DDX50: variants seen among roughly 807,000 people sequenced by gnomAD.
DDX50 encodes the protein ATP-dependent RNA helicase DDX50.
DDX50 carries 56 observed loss-of-function variants against 94.8 expected under a neutral mutation model. The observed-to-expected ratio is 0.59, with a 90% CI of 0.48 to 0.74. DDX50 has a LOEUF of 0.74. DDX50 is among the 30% of genes least tolerant of loss of function. DDX50 has a pLI of 0.00. For missense variants in DDX50, 713 were observed against 881.2 expected (o/e 0.81, Z 2.42); for synonymous variants, 264 against 295.4 (o/e 0.89, Z 1.09).
At chr10:68,907,058 G>T (rs763541767) in intron 2 of DDX50, 51 bp downstream of exon 2, 1 of 1,523,596 alleles carries the variant, frequency 6.6e-7, no homozygotes, top group Admixed American at 2.3e-5. Flanking sequence ...ACTATAGGTT[G>T]ATTTGAATTT....
At chr10:68,920,185 A>G (rs1341590989) in intron 8 of DDX50, among the ~76,000 whole-genome samples, 2 of 152,212 alleles carry the variant, frequency 1.3e-5, no homozygotes, top group Admixed American at 6.5e-5. Flanking sequence ...GTCTTGAGAC[A>G]GGGTCTCCCT....
intron 11 of DDX50, among the ~76,000 whole-genome samples, chr10:68,936,515 A>AATATATATATAT (rs869117307): frequency 1.9e-5 from 1 of 53,144 alleles, no homozygotes; most frequent in East Asian, 5.3e-4. Context: ...AAAAAAAAAA[A>AATATATATATAT]ATATATATAT....
At chr10:68,937,127 G>T in intron 12 of DDX50, 32 bp downstream of exon 12, 1 of 1,557,330 alleles carries the variant, frequency 6.4e-7, no homozygotes, top group Non-Finnish European at 8.7e-7. Flanking sequence ...GTACATGAGT[G>T]GGAAAAGGTT....
intron 11 of DDX50, 76 bp downstream of exon 11, chr10:68,936,155 T>C: frequency 1.6e-6 from 2 of 1,230,330 alleles, no homozygotes; most frequent in South Asian, 1.4e-5. Flanking sequence ...CCAGTTCAAA[T>C]AGCAGAAAAT....
At chr10:68,902,348 C>T (rs981878865) in intron 1 of DDX50, among the ~76,000 whole-genome samples, 4 of 152,148 alleles carry the variant, frequency 2.6e-5, no homozygotes, top group Non-Finnish European at 5.9e-5. Context: ...TATTCGAAGG[C>T]TGACATTCGA....
intron 8 of DDX50, among the ~76,000 whole-genome samples, chr10:68,926,930 TGAGA>T (rs1842108445): frequency 6.6e-6 from 1 of 152,092 alleles, no homozygotes; most frequent in Non-Finnish European, 1.5e-5. Flanking sequence ...TCTTTTTTTT[TGAGA>T]GAGGGTCTTA....
rs1842188973 is a variant in DDX50 at position 68,929,390 on chromosome 10, CCTTT to C, written c.1240-4803_1240-4800del. Among the ~76,000 whole-genome samples, 3 of 148,830 alleles carry C rather than the reference CCTTT, an allele frequency of 2.0e-5. No homozygotes were observed. In the East Asian group the frequency reaches 6.0e-4, roughly 30 times the overall value. ...TTCCTTTCCTTTCTTTCCTTCCTTTCCTTTCTTTCCTTTCTTCCTTCCTTTCTTT... is the reference window on the plus strand; with the variant it reads ...TTCCTTTCCTTTCTTTCCTTCCTTTCCTTTCCTTTCTTCCTTCCTTTCTTT... On this transcript the variant is annotated intron_variant, in intron 8 of 14. Coordinates refer to ENST00000373585, the MANE Select transcript of DDX50 (RefSeq NM_024045.2).
chr10:68,935,770 G>T (rs1842391006), intron 10 of DDX50, among the ~76,000 whole-genome samples: 1 of 152,120 alleles, frequency 6.6e-6, no homozygotes, highest in Admixed American at 6.6e-5. Context: ...AGGAGGTGGA[G>T]GTTGCAGTGA....
chr10:68,946,709 A>G lies in DDX50; in HGVS notation c.*79A>G. 6.6e-7 allele frequency: 1 copy of G among 1,521,514 alleles called. No individual in the cohort carries two copies. The highest frequency in any genetic ancestry group is 8.8e-7 in the Non-Finnish European group (1 of 1,130,874). 94.3% of individuals were successfully genotyped at this position (1,521,514 alleles called of 1,614,324 possible). A position where few individuals can be genotyped will look rare whatever the true frequency, so the allele number is the denominator to read the frequency against. Reference sequence around the variant, plus strand: ...TACATTATCCACCAAAAATTAGGTCATCATAGTTGAGGTATGTGTCTGCTA... The same window carrying G: ...TACATTATCCACCAAAAATTAGGTCGTCATAGTTGAGGTATGTGTCTGCTA... On this transcript the variant is annotated 3_prime_UTR_variant, in exon 15 of 15. Transcript: ENST00000373585.
At chr10:68,933,469 A>G (rs1842325058) in intron 8 of DDX50, among the ~76,000 whole-genome samples, 2 of 152,166 alleles carry the variant, frequency 1.3e-5, no homozygotes, top group African/African-American at 4.8e-5. Flanking sequence ...ATATGAATAA[A>G]TTATATACAG....
intron 2 of DDX50, among the ~76,000 whole-genome samples, chr10:68,907,569 G>A (rs565406100): frequency 5.9e-4 from 89 of 151,784 alleles, no homozygotes; most frequent in African/African-American, 2.0e-3. Context: ...CACCTGTCTC[G>A]GCTTCCCAAA....
At chr10:68,940,448 C>T (rs1360636443) in intron 12 of DDX50, among the ~76,000 whole-genome samples, 1 of 150,142 alleles carries the variant, frequency 6.7e-6, no homozygotes, top group Non-Finnish European at 1.5e-5. Flanking sequence ...GAGACAGGGT[C>T]TAGTTCTGTC....
intron 2 of DDX50, 105 bp downstream of exon 2, chr10:68,907,112 T>A (rs1841476792): frequency 1.7e-6 from 2 of 1,144,348 alleles, no homozygotes; most frequent in Admixed American, 2.6e-5. Context: ...TCTTGATTAG[T>A]GTCTAGTATT....
rs751156147 is a variant in DDX50 at position 68,943,309 on chromosome 10, A to C, written c.1935+52A>C. On this transcript the variant is annotated intron_variant, in intron 14 of 14. Transcript: ENST00000373585. ...TGGTTGAGTACATTCTCTAACATTT[A>C]GATTGGGATATTTTGGGAAACATAG... 3.4e-6 allele frequency: 5 copies of C among 1,455,744 alleles called. No homozygotes were observed. The East Asian group carries it at 1.1e-4, about 33-fold the overall frequency. 90.2% of individuals were successfully genotyped at this position (1,455,744 alleles called of 1,614,324 possible).
Position 68,901,326 on chromosome 10 carries a change from G to GTCGGCTGCC in DDX50, c.-56_-55insGCTGCCTCG. The GTCGGCTGCC allele has an allele frequency of 6.8e-7, 1 of 1,460,382 alleles. No individual in the cohort carries two copies. Among genetic ancestry groups the GTCGGCTGCC allele is most frequent in the South Asian group, 1.3e-5 (1 of 75,086 alleles). 90.5% of individuals were successfully genotyped at this position (1,460,382 alleles called of 1,614,324 possible). A position where few individuals can be genotyped will look rare whatever the true frequency, so the allele number is the denominator to read the frequency against. On this transcript the variant is annotated 5_prime_UTR_variant, in exon 1 of 15. Coordinates refer to ENST00000373585, the MANE Select transcript of DDX50 (RefSeq NM_024045.2). ...CCTTGCCCCCGCTTCCTTTCACGCTGTCGCTGCCCGTAGGTGGTTGTGGCC... is the reference window on the plus strand; with the variant it reads ...CCTTGCCCCCGCTTCCTTTCACGCTGTCGGCTGCCTCGCTGCCCGTAGGTGGTTGTGGCC...
At chr10:68,902,047 G>T (rs970472263) in intron 1 of DDX50, among the ~76,000 whole-genome samples, 1 of 151,978 alleles carries the variant, frequency 6.6e-6, no homozygotes, top group Non-Finnish European at 1.5e-5. Context: ...CATTCAATCC[G>T]CAGGTGTTTA....
At chr10:68,937,397 TTA>T (rs1491221112) in intron 12 of DDX50, among the ~76,000 whole-genome samples, 1 of 58,738 alleles carries the variant, frequency 1.7e-5, no homozygotes, top group African/African-American at 3.5e-5. Context: ...TAATTTGTAA[TTA>T]AAAAAAAAAT....
Position 68,911,058 on chromosome 10 carries a change from C to T in DDX50, c.461-10C>T, listed in dbSNP as rs201387609. On this transcript the variant is annotated splice_polypyrimidine_tract_variant and intron_variant, in intron 3 of 14. Coordinates refer to ENST00000373585, the MANE Select transcript of DDX50 (RefSeq NM_024045.2). ...GTAAAGAAGTATTTTAATTAAATCT[C>T]ATTTTACAGGTCGAGGGGTAACATA... 2.7e-6 allele frequency: 4 copies of T among 1,472,706 alleles called. No individual in the cohort carries two copies. The highest frequency in any genetic ancestry group is 1.4e-5 in the African/African-American group (1 of 70,216). 91.2% of individuals were successfully genotyped at this position (1,472,706 alleles called of 1,614,324 possible). A position where few individuals can be genotyped will look rare whatever the true frequency, so the allele number is the denominator to read the frequency against.
chr10:68,907,891 C>T (rs192914258), intron 2 of DDX50, among the ~76,000 whole-genome samples: 2 of 152,122 alleles, frequency 1.3e-5, no homozygotes, highest in African/African-American at 2.4e-5. Flanking sequence ...ATAGGTTTAA[C>T]AGTTTATTAT....
Sources: allele counts gnomAD v4.1 joint callset (sites outside exome capture counted in the v4.1 genomes callset), GRCh38; gene constraint gnomAD v4.1.1; transcripts MANE v1.5; gene names NCBI Gene and HGNC (gene_info 2026-07-23, HGNC 2026-07-21).